The following PPP2R2B variants were observed in gnomAD, a reference collection of about 807,000 sequenced individuals.
The protein encoded by PPP2R2B is protein phosphatase 2 regulatory subunit Bbeta.
Under a neutral mutation model 46.0 loss-of-function variants are expected in PPP2R2B, and 5 were observed. The observed-to-expected ratio is 0.11, with a 90% confidence interval of 0.06 to 0.23. The LOEUF is 0.23. Ranked by LOEUF, PPP2R2B falls within the 10% of genes least tolerant of loss-of-function variation. The pLI is 1.00. For missense variants in PPP2R2B, 367 were observed against 575.0 expected, an observed-to-expected ratio of 0.64 and a Z score of 3.70; for synonymous variants, 215 against 206.7, an observed-to-expected ratio of 1.04 and a Z score of -0.34.
chr5:146,960,667 C>G (rs190622021), intron 1 of PPP2R2B, among the ~76,000 whole-genome samples: 1 of 152,100 alleles, frequency 6.6e-6, no homozygotes, highest in Admixed American at 6.6e-5. Context: ...GCAATGTAGT[C>G]AAAAACCTAA....
chr5:146,994,478 A>G (rs1397287076), intron 1 of PPP2R2B, among the ~76,000 whole-genome samples: 1 of 152,148 alleles, frequency 6.6e-6, no homozygotes, highest in Non-Finnish European at 1.5e-5. Context: ...AAGGAACAGA[A>G]GGCCCCCAGT....
At chr5:146,933,395 T>TA (rs201301079) in intron 1 of PPP2R2B, among the ~76,000 whole-genome samples, 1,549 of 152,268 alleles carry the variant, frequency 0.01, 16 homozygotes, top group Middle Eastern at 0.027. Flanking sequence ...ATTATTTCTT[T>TA]AAAAAATCAA....
At chr5:146,755,704 G>A (rs998116873) in intron 2 of PPP2R2B, among the ~76,000 whole-genome samples, 2 of 152,202 alleles carry the variant, frequency 1.3e-5, no homozygotes, top group Admixed American at 1.3e-4. Context: ...TTTGTTGTCA[G>A]GTAAGGTTAT....
intron 1 of PPP2R2B, among the ~76,000 whole-genome samples, chr5:146,998,533 C>T (rs763112468): frequency 2.6e-5 from 4 of 152,130 alleles, no homozygotes; most frequent in Non-Finnish European, 5.9e-5. Context: ...CCTGTATTTG[C>T]ATGCACATTT....
chr5:147,017,007 T>C (rs1158668710), intron 1 of PPP2R2B, among the ~76,000 whole-genome samples: 1 of 151,496 alleles, frequency 6.6e-6, no homozygotes, highest in African/African-American at 2.4e-5. Context: ...GGAAAGAACA[T>C]GGTCAGATTT....
chr5:146,939,011 G>C (rs4432945), intron 1 of PPP2R2B, among the ~76,000 whole-genome samples: 7 of 151,854 alleles, frequency 4.6e-5, no homozygotes, highest in Non-Finnish European at 5.9e-5. Flanking sequence ...GAACTCCTAA[G>C]CTCAGGCAAT....
chr5:147,033,980 T>C (rs1294579981), intron 1 of PPP2R2B, among the ~76,000 whole-genome samples: 1 of 152,148 alleles, frequency 6.6e-6, no homozygotes, highest in African/African-American at 2.4e-5. Context: ...CTGCAAAGGT[T>C]TCCTATTACA....
chr5:146,804,025 G>A (rs1407543431), intron 2 of PPP2R2B, among the ~76,000 whole-genome samples: 1 of 152,132 alleles, frequency 6.6e-6, no homozygotes, highest in East Asian at 1.9e-4. Context: ...AAATTAGACG[G>A]GCGTGGTGGC....
intron 2 of PPP2R2B, among the ~76,000 whole-genome samples, chr5:146,806,004 A>G (rs1260443502): frequency 2.6e-5 from 4 of 152,238 alleles, no homozygotes; most frequent in Admixed American, 2.6e-4. Flanking sequence ...AGTAACATCA[A>G]GAAAAAGGCC....
chr5:146,798,296 A>G (rs1354303866), intron 2 of PPP2R2B, among the ~76,000 whole-genome samples: 1 of 152,044 alleles, frequency 6.6e-6, no homozygotes, highest in Non-Finnish European at 1.5e-5. Flanking sequence ...ATCACTGGAG[A>G]TCTGTCAAGC....
intron 2 of PPP2R2B, chr5:146,707,386 AGGG>A (rs35038153): frequency 2.5e-6 from 2 of 791,174 alleles, no homozygotes; most frequent in Non-Finnish European, 4.6e-6. Context: ...CTTCAGGTTA[AGGG>A]GGTTCAGCAG....
intron 1 of PPP2R2B, among the ~76,000 whole-genome samples, chr5:146,905,875 CT>C (rs1414535962): frequency 6.6e-6 from 1 of 152,054 alleles, no homozygotes; most frequent in Non-Finnish European, 1.5e-5. Context: ...CAGGAGTCAG[CT>C]TTTGGGGATG....
At chr5:146,870,995 G>C (rs1373960468) in intron 2 of PPP2R2B, among the ~76,000 whole-genome samples, 9 of 152,150 alleles carry the variant, frequency 5.9e-5, no homozygotes, top group Non-Finnish European at 1.2e-4. Context: ...GAACTCAAAG[G>C]TTCCTGGGTT....
chr5:146,707,199 G>A, intron 2 of PPP2R2B: 1 of 1,566,324 alleles, frequency 6.4e-7, no homozygotes. Context: ...TCTCGAATAT[G>A]TTGTCCATGT....
intron 2 of PPP2R2B, among the ~76,000 whole-genome samples, chr5:147,063,001 GGGA>G (rs1757309031): frequency 1.0e-5 from 1 of 99,246 alleles, no homozygotes; most frequent in Non-Finnish European, 2.0e-5. Context: ...GGAGGGAGGG[GGGA>G]AGAAGGGAAG....
At chr5:146,874,983 C>A (rs1417565008) in intron 2 of PPP2R2B, among the ~76,000 whole-genome samples, 1 of 152,100 alleles carries the variant, frequency 6.6e-6, no homozygotes, top group Non-Finnish European at 1.5e-5. Context: ...GAGATAAAAC[C>A]ATTGCAATCT....
chr5:146,728,786 C>T (rs1752042936), intron 2 of PPP2R2B, among the ~76,000 whole-genome samples: 1 of 152,182 alleles, frequency 6.6e-6, no homozygotes, highest in Non-Finnish European at 1.5e-5. Flanking sequence ...TCTCTTGCCG[C>T]TACCAAGTAA....
At chr5:146,756,251 T>C (rs1467727424) in intron 2 of PPP2R2B, among the ~76,000 whole-genome samples, 4 of 152,174 alleles carry the variant, frequency 2.6e-5, no homozygotes, top group Non-Finnish European at 5.9e-5. Context: ...ACAAAGTGGG[T>C]TACCATTCAT....
At chr5:147,046,443 C>A (rs1442361717) in intron 1 of PPP2R2B, among the ~76,000 whole-genome samples, 1 of 152,148 alleles carries the variant, frequency 6.6e-6, no homozygotes, top group Non-Finnish European at 1.5e-5. Context: ...GCTCAATCTG[C>A]CAGTGAGGAA....
Sources: allele counts gnomAD v4.1 joint callset (sites outside exome capture counted in the v4.1 genomes callset), GRCh38; gene constraint gnomAD v4.1.1; transcripts MANE v1.5; gene names NCBI Gene and HGNC (gene_info 2026-07-23, HGNC 2026-07-21).